Variants in SLC41A2 observed in about 807,000 individuals in gnomAD.
SLC41A2 encodes the protein solute carrier family 41 member 2.
SLC41A2 carries 32 observed loss-of-function variants against 58.3 expected under a neutral mutation model. That is an observed-to-expected ratio of 0.55 (90% CI 0.41 to 0.74). SLC41A2 has a LOEUF of 0.74. Among genes scored for constraint, SLC41A2 ranks in the 30% least tolerant of loss-of-function variants. The probability of loss-of-function intolerance (pLI) is 0.00; values close to 1 mark genes in which losing one functional copy is unlikely to be tolerated. For synonymous variants in SLC41A2, 190 were observed against 235.0 expected, an observed-to-expected ratio of 0.81 and a Z score of 1.75; for missense variants, 514 against 680.6, an observed-to-expected ratio of 0.76 and a Z score of 2.72.
At position 104,872,118 on chromosome 12, in the gene SLC41A2, C is replaced by A. The variant is rs112929577; in HGVS notation, c.1028-5539G>T. ...AGGGGAATAAGAAGGAAAAAAAAAA[C>A]AGATGGTATATGAGATCAGTAAACA... On this transcript the variant is annotated intron_variant, in intron 6 of 10. Transcript: ENST00000258538. 3.4e-3 allele frequency among the ~76,000 whole-genome samples: 518 copies of A among 151,410 alleles called. 2 individuals are homozygous for A. The highest frequency in any genetic ancestry group is 0.012 in the African/African-American group (480 of 41,270).
At chr12:104,848,935 T>A (rs1272280111) in intron 8 of SLC41A2, among the ~76,000 whole-genome samples, 1 of 151,502 alleles carries the variant, frequency 6.6e-6, no homozygotes, top group Non-Finnish European at 1.5e-5. Flanking sequence ...AAATCTGACA[T>A]ATGACAAAGG....
In SLC41A2 at chr12:104,844,503, A is replaced by G. The variant is rs2042532835; in HGVS notation, c.1505T>C (p.Ile502Thr). 6.4e-7 allele frequency: 1 copy of G among 1,554,686 alleles called. No individual in the cohort carries two copies. Among genetic ancestry groups the G allele is most frequent in the Non-Finnish European group, 8.7e-7 (1 of 1,154,106 alleles). Residue 502 changes from isoleucine to threonine, a missense_variant, in exon 10 of 11, where the codon ATA (isoleucine) becomes ACA (threonine). Physicochemically the swap from Ile to Thr is moderately conservative, Grantham distance 89 (BLOSUM62 -1). Transcript: ENST00000258538. ...CACAGCGCCAAATAAATACACTACTATGAAGATTATAGTTAAAGAAGTATG... is the reference window on the plus strand; with the variant it reads ...CACAGCGCCAAATAAATACACTACTGTGAAGATTATAGTTAAAGAAGTATG... ...SGHTSLTIIF[I>T]VVYLFGAVLQ...
rs2040726807 is a variant in SLC41A2, at chr12:104,802,097, G to A, written c.*3055C>T. 6.6e-6 allele frequency among the ~76,000 whole-genome samples: 1 copy of A among 151,966 alleles called. No homozygotes were observed. Among genetic ancestry groups the A allele is most frequent in the Non-Finnish European group, 1.5e-5 (1 of 67,980 alleles). ...TTTGGCTATATCATTGATAGTCTAT[G>A]GTGTGGAATTTTTGGACACCTACCA... On this transcript the variant is annotated 3_prime_UTR_variant, in exon 11 of 11. Transcript: ENST00000258538.
chr12:104,930,865 C>A (rs562128021), intron 1 of SLC41A2, among the ~76,000 whole-genome samples: 1 of 152,232 alleles, frequency 6.6e-6, no homozygotes, highest in African/African-American at 2.4e-5. Context: ...CAGAACGTGG[C>A]TAAGCACATA....
chr12:104,914,949 G>A (rs1277872588), intron 2 of SLC41A2, among the ~76,000 whole-genome samples: 1 of 152,196 alleles, frequency 6.6e-6, no homozygotes, highest in African/African-American at 2.4e-5. Flanking sequence ...GAAGCAGCTA[G>A]TGCCAAAAAT....
chr12:104,952,409 A>AT (rs2047991032), intron 1 of SLC41A2, among the ~76,000 whole-genome samples: 2 of 152,264 alleles, frequency 1.3e-5, no homozygotes, highest in African/African-American at 2.4e-5. Flanking sequence ...TAGTGGGAAG[A>AT]TTTTTTACAA....
intron 2 of SLC41A2, among the ~76,000 whole-genome samples, chr12:104,924,258 T>C (rs1390794617): frequency 6.6e-6 from 1 of 152,166 alleles, no homozygotes. Flanking sequence ...ATAAAAAGAC[T>C]ACTGATTCCA....
At chr12:104,903,224 CCCCCTATA>C (rs1281636167) in intron 3 of SLC41A2, among the ~76,000 whole-genome samples, 3 of 152,042 alleles carry the variant, frequency 2.0e-5, no homozygotes, top group Admixed American at 2.0e-4. Context: ...CAATCCTTAG[CCCCCTATA>C]CCCATATCTC....
chr12:104,910,540 C>A (rs1025944722), intron 2 of SLC41A2, among the ~76,000 whole-genome samples: 1 of 152,114 alleles, frequency 6.6e-6, no homozygotes, highest in Non-Finnish European at 1.5e-5. Flanking sequence ...ATGGAATAGA[C>A]CCCCTTCTCA....
At chr12:104,816,782 A>G (rs1592926610) in intron 10 of SLC41A2, among the ~76,000 whole-genome samples, 1 of 152,266 alleles carries the variant, frequency 6.6e-6, no homozygotes. Context: ...CCAACTACCT[A>G]TGTGGTCTAA....
intron 1 of SLC41A2, among the ~76,000 whole-genome samples, chr12:104,933,925 GA>G (rs1216824678): frequency 6.6e-6 from 1 of 151,984 alleles, no homozygotes; most frequent in Admixed American, 6.5e-5. Context: ...CAGAAAGGGG[GA>G]GGGTGGGAGG....
chr12:104,823,113 C>A (rs563678962), intron 10 of SLC41A2, among the ~76,000 whole-genome samples: 4 of 152,258 alleles, frequency 2.6e-5, no homozygotes, highest in Admixed American at 2.0e-4. Context: ...TCAACTTGGA[C>A]TTCCAGAAGG....
chr12:104,889,095 T>A lies in SLC41A2; in HGVS notation c.818A>T (p.Asp273Val). 1 of 1,611,734 alleles carries A rather than the reference T, an allele frequency of 6.2e-7. No individual in the cohort carries two copies. The highest frequency in any genetic ancestry group is 1.3e-5 in the African/African-American group (1 of 74,924). Residue 273 changes from aspartate to valine, a missense_variant, in exon 5 of 11, where the codon GAT becomes GTT. By Grantham distance (152) the Asp-to-Val change is radical (BLOSUM62 -3). Transcript: ENST00000258538. ...GCTAGAGCACAGAAGTATGGAATGA[T>A]CAAGGTAATATTTTCCTTCTGGAAT... is the stretch of plus-strand genomic sequence containing the variant. Reference protein sequence around the residue: ...GWIPEGKYYLDHSILLCSSSV... With the variant: ...GWIPEGKYYLVHSILLCSSSV...
At position 104,928,422 on chromosome 12, in the gene SLC41A2, C is replaced by T. The variant is rs78726424; in HGVS notation, c.106G>A (p.Asp36Asn). ...WTLRLNTIQS[D>N]KFLNLLLSMV... The stretch of plus-strand genomic sequence containing the variant: ...CTCAAGAGTAAATTTAAAAACTTGT[C>T]GGATTGAATTGTGTTTAAACGTAAA... The change falls in exon 2 of 11, where the codon GAC becomes AAC. Residue 36 changes from aspartate (D) to asparagine (N), a missense_variant. Asp to Asn is a conservative substitution (Grantham distance 23, BLOSUM62 1). Coordinates refer to ENST00000258538, the MANE Select transcript of SLC41A2 (RefSeq NM_001352171.3). 137 of 1,554,324 alleles carry T rather than the reference C, an allele frequency of 8.8e-5. No individual in the cohort carries two copies. The East Asian group carries it at 2.5e-3, about 28-fold the overall frequency.
At chr12:104,918,363 A>G (rs573379567) in intron 2 of SLC41A2, among the ~76,000 whole-genome samples, 17 of 152,254 alleles carry the variant, frequency 1.1e-4, no homozygotes, top group Admixed American at 2.0e-4. Flanking sequence ...ATCATTGTTC[A>G]TAACAGCCAA....
At chr12:104,904,205 A>G (rs186162718) in intron 3 of SLC41A2, among the ~76,000 whole-genome samples, 2 of 152,212 alleles carry the variant, frequency 1.3e-5, no homozygotes, top group Non-Finnish European at 2.9e-5. Context: ...TCTTTGAGAT[A>G]AGCTAGCCAA....
chr12:104,906,301 TCCTGAAGGCAGA>T (rs1165810698), intron 3 of SLC41A2, among the ~76,000 whole-genome samples: 2 of 152,140 alleles, frequency 1.3e-5, no homozygotes, highest in Non-Finnish European at 2.9e-5. Flanking sequence ...AAGTTAGTGT[TCCTGAAGGCAGA>T]CCATGCCACC....
At chr12:104,830,483 C>A (rs971817987) in intron 10 of SLC41A2, among the ~76,000 whole-genome samples, 1 of 151,700 alleles carries the variant, frequency 6.6e-6, no homozygotes, top group African/African-American at 2.4e-5. Context: ...AATTTTTTTC[C>A]TGAATATTTT....
intron 7 of SLC41A2, among the ~76,000 whole-genome samples, chr12:104,864,185 T>A (rs1420264238): frequency 5.3e-5 from 8 of 152,180 alleles, no homozygotes; most frequent in Non-Finnish European, 1.0e-4. Context: ...ATGAACCACA[T>A]GCTGTCACAG....
Sources: gnomAD v4.1 joint callset for allele counts (sites outside exome capture counted in the v4.1 genomes callset) on GRCh38, gnomAD v4.1.1 for gene constraint, MANE v1.5 for transcripts, NCBI Gene and HGNC (gene_info 2026-07-23, HGNC 2026-07-21) for gene names.